Variants in LRRC7 observed in about 807,000 individuals in gnomAD.
LRRC7 encodes leucine rich repeat containing 7, also known as leucine-rich repeat-containing protein 7.
Under a neutral mutation model 175.7 loss-of-function variants are expected in LRRC7, and 23 were observed. That is an observed-to-expected ratio of 0.13 (90% confidence interval 0.09 to 0.19). LRRC7 has a LOEUF of 0.19. LRRC7 is among the 10% of genes least tolerant of loss of function. LRRC7 has a pLI of 1.00. For synonymous variants in LRRC7, 685 were observed against 680.9 expected, an observed-to-expected ratio of 1.01 and a Z score of -0.09; for missense variants, 1,354 against 1,904.7, an observed-to-expected ratio of 0.71 and a Z score of 5.38.
At chr1:69,692,670 C>T (rs1176745582) in intron 2 of LRRC7, among the ~76,000 whole-genome samples, 1 of 152,160 alleles carries the variant, frequency 6.6e-6, no homozygotes, top group African/African-American at 2.4e-5. Flanking sequence ...TCAAATTACA[C>T]TCATTTATTC....
At chr1:69,879,272 T>C (rs1686359260) in intron 7 of LRRC7, among the ~76,000 whole-genome samples, 1 of 144,732 alleles carries the variant, frequency 6.9e-6, no homozygotes, top group African/African-American at 2.6e-5. Flanking sequence ...TGCCACTTAG[T>C]TGTTACGAGG....
intron 2 of LRRC7, among the ~76,000 whole-genome samples, chr1:69,734,597 GTTCTTCTAAATT>G (rs1271803426): frequency 3.9e-5 from 6 of 151,914 alleles, no homozygotes; most frequent in East Asian, 3.9e-4. Context: ...TAAATTTTAA[GTTCTTCTAAATT>G]TTCTTTGCTT....
intron 1 of LRRC7, among the ~76,000 whole-genome samples, chr1:69,656,015 C>A (rs1378762250): frequency 6.6e-6 from 1 of 152,012 alleles, no homozygotes; most frequent in Non-Finnish European, 1.5e-5. Context: ...GAACTGCCTA[C>A]ATTCTCACTT....
At chr1:69,626,417 A>C (rs1455645632) in intron 1 of LRRC7, among the ~76,000 whole-genome samples, 4 of 151,658 alleles carry the variant, frequency 2.6e-5, no homozygotes, top group Non-Finnish European at 4.4e-5. Context: ...CAGATTTTTA[A>C]ATCTATTTTC....
At chr1:69,648,045 A>G (rs1655254081) in intron 1 of LRRC7, among the ~76,000 whole-genome samples, 2 of 152,162 alleles carry the variant, frequency 1.3e-5, no homozygotes, top group Non-Finnish European at 2.9e-5. Flanking sequence ...ATTTCTAGGA[A>G]TTTTAATGAT....
At chr1:69,856,123 A>C (rs542972541) in intron 7 of LRRC7, among the ~76,000 whole-genome samples, 1 of 152,324 alleles carries the variant, frequency 6.6e-6, no homozygotes, top group African/African-American at 2.4e-5. Context: ...TAGCCCATTT[A>C]CATTTAAGGT....
chr1:69,910,069 C>T (rs555029817), intron 7 of LRRC7, among the ~76,000 whole-genome samples: 1 of 152,292 alleles, frequency 6.6e-6, no homozygotes, highest in East Asian at 1.9e-4. Flanking sequence ...GCATCGGCTC[C>T]TGAGGCTTCT....
Position 69,702,452 on chromosome 1 carries a change from A to G in LRRC7, c.100+23974A>G, listed in dbSNP as rs533231762. Among the ~76,000 whole-genome samples the G allele has an allele frequency of 3.9e-5, 6 of 152,294 alleles. No homozygotes were observed. The East Asian group carries it at 1.2e-3, about 29-fold the overall frequency. ...TTCCAGGGATAATCCATGGTAGAAC[A>G]ATCGTTCCTGCATCATTGACCGCAA... On this transcript the variant is annotated intron_variant, in intron 2 of 26. Transcript: ENST00000651989.
At chr1:69,759,555 T>A (rs1670807817) in intron 2 of LRRC7, among the ~76,000 whole-genome samples, 1 of 151,986 alleles carries the variant, frequency 6.6e-6, no homozygotes. Context: ...TAGATCCCCA[T>A]TTGGAAGTGA....
rs1667094198 is a variant in LRRC7, at chr1:70,142,329, G to A, written c.*20442G>A. On this transcript the variant is annotated 3_prime_UTR_variant, in exon 27 of 27. Transcript: ENST00000651989. ...GCTTTGATGACACCTAGCGTCAGTG[G>A]AATGCAATGAATGCTTAATACTTCG... The A allele has an allele frequency of 6.6e-6, 1 of 152,084 alleles. No homozygotes were observed. The highest frequency in any genetic ancestry group is 6.6e-5 in the Admixed American group (1 of 15,264). 9.4% of individuals were successfully genotyped at this position (152,084 alleles called of 1,614,324 possible).
At chr1:69,600,589 T>A (rs541345283) in intron 1 of LRRC7, among the ~76,000 whole-genome samples, 1 of 152,234 alleles carries the variant, frequency 6.6e-6, no homozygotes, top group African/African-American at 2.4e-5. Context: ...TATAATCCAA[T>A]ACTACTTTGT....
At chr1:69,690,446 A>C (rs960534463) in intron 2 of LRRC7, among the ~76,000 whole-genome samples, 2 of 152,232 alleles carry the variant, frequency 1.3e-5, no homozygotes, top group Non-Finnish European at 2.9e-5. Flanking sequence ...AGGGATTTGA[A>C]AAGCAAATTT....
intron 7 of LRRC7, among the ~76,000 whole-genome samples, chr1:69,847,740 T>A (rs1057290453): frequency 2.6e-5 from 4 of 152,060 alleles, no homozygotes; most frequent in African/African-American, 9.7e-5. Flanking sequence ...TTGAGTTTCT[T>A]AATAACGCTT....
intron 2 of LRRC7, among the ~76,000 whole-genome samples, chr1:69,723,575 T>C (rs536216076): frequency 2.0e-5 from 3 of 152,342 alleles, no homozygotes; most frequent in South Asian, 4.1e-4. Flanking sequence ...TTCATGACTA[T>C]TCATTTCATA....
rs183046914 is a variant in LRRC7, at chr1:70,127,063, C to T, written c.*5176C>T. ...ATTTGGGAGGAACTTTCTTGGGTAA[C>T]GCAGGAACCTGGAGTAGTAGCATTA... is the stretch of plus-strand genomic sequence containing the variant. On this transcript the variant is annotated 3_prime_UTR_variant, in exon 27 of 27. Coordinates refer to ENST00000651989, the MANE Select transcript of LRRC7 (RefSeq NM_001370785.2). Among the ~76,000 whole-genome samples the T allele has an allele frequency of 3.9e-5, 6 of 152,254 alleles. No individual in the cohort carries two copies. The highest frequency in any genetic ancestry group is 1.9e-4 in the East Asian group (1 of 5,178).
chr1:70,050,209 G>A (rs530839736), intron 22 of LRRC7, among the ~76,000 whole-genome samples: 3 of 152,000 alleles, frequency 2.0e-5, no homozygotes, highest in Non-Finnish European at 2.9e-5. Context: ...ATGCATGCAC[G>A]TTTATGTCTC....
intron 1 of LRRC7, among the ~76,000 whole-genome samples, chr1:69,640,957 A>C (rs567368392): frequency 1.8e-4 from 27 of 151,838 alleles, no homozygotes; most frequent in African/African-American, 6.3e-4. Flanking sequence ...AAAATAATGA[A>C]ATTTTCTTTC....
chr1:70,044,289 G>T (rs1660160542), intron 22 of LRRC7, among the ~76,000 whole-genome samples, 195 bp downstream of exon 22: 1 of 152,176 alleles, frequency 6.6e-6, no homozygotes, highest in Non-Finnish European at 1.5e-5. Flanking sequence ...TGATTATCAG[G>T]TTCCTGCTTT....
At chr1:69,621,046 T>C (rs373567779) in intron 1 of LRRC7, among the ~76,000 whole-genome samples, 2 of 150,708 alleles carry the variant, frequency 1.3e-5, no homozygotes, top group Admixed American at 6.6e-5. Context: ...CTTTTTTTTT[T>C]CTTTTTTTTT....
Sources: gnomAD v4.1 joint callset for allele counts (sites outside exome capture counted in the v4.1 genomes callset) on GRCh38, gnomAD v4.1.1 for gene constraint, MANE v1.5 for transcripts, NCBI Gene and HGNC (gene_info 2026-07-23, HGNC 2026-07-21) for gene names.